The following ANGPTL5 variants were observed in gnomAD, a reference collection of about 807,000 sequenced individuals.
The protein encoded by ANGPTL5 is angiopoietin like 5.
ANGPTL5 carries 34 observed loss-of-function variants against 39.4 expected under a neutral mutation model. That is an observed-to-expected ratio of 0.86 (90% CI 0.66 to 1.15). The LOEUF (loss-of-function observed/expected upper bound fraction) is 1.15, where lower values mean the gene tolerates loss of function less well. Among genes scored for constraint, ANGPTL5 ranks in the 50% most tolerant of loss-of-function variants. The pLI is 0.00. For synonymous variants in ANGPTL5, 146 were observed against 152.1 expected (o/e 0.96, Z 0.29); for missense variants, 467 against 457.5 (o/e 1.02, Z -0.19).
chr11:101,915,864 GC>G (rs373491435), intron 1 of ANGPTL5, among the ~76,000 whole-genome samples, 154 bp downstream of exon 1: 140 of 152,338 alleles, frequency 9.2e-4, no homozygotes, highest in African/African-American at 3.2e-3. Flanking sequence ...TACCAGAGCT[GC>G]TAAAGGCTAC....
At chr11:101,906,239 G>A (rs1384018396) in intron 3 of ANGPTL5, among the ~76,000 whole-genome samples, 2 of 152,064 alleles carry the variant, frequency 1.3e-5, no homozygotes, top group Non-Finnish European at 2.9e-5. Flanking sequence ...TACCAGGCAA[G>A]TTAATTTTAA....
intron 2 of ANGPTL5, 119 bp from the exon 3 acceptor site, chr11:101,907,366 TAGAG>T (rs1174364539): frequency 6.3e-6 from 4 of 631,450 alleles, no homozygotes; most frequent in African/African-American, 5.7e-5. Flanking sequence ...GGCTGATCAT[TAGAG>T]AGAAATATAA....
chr11:101,901,002 C>A (rs1015869842), intron 6 of ANGPTL5, among the ~76,000 whole-genome samples: 2 of 148,856 alleles, frequency 1.3e-5, no homozygotes, highest in African/African-American at 2.5e-5. Context: ...CAGGCGCCCG[C>A]TAGCACCCCC....
intron 3 of ANGPTL5, among the ~76,000 whole-genome samples, chr11:101,906,435 C>T (rs997404025): frequency 6.6e-6 from 1 of 152,058 alleles, no homozygotes; most frequent in Non-Finnish European, 1.5e-5. Flanking sequence ...TTTCTTATAG[C>T]GAAGTTGCGA....
At chr11:101,894,801 C>A in intron 8 of ANGPTL5, 78 bp downstream of exon 8, 1 of 1,308,780 alleles carries the variant, frequency 7.6e-7, no homozygotes, top group Non-Finnish European at 1.1e-6. Context: ...AAGACAAATG[C>A]ATTATTTTTA....
intron 3 of ANGPTL5, among the ~76,000 whole-genome samples, chr11:101,906,477 T>C (rs554810730): frequency 6.6e-6 from 1 of 152,240 alleles, no homozygotes; most frequent in Admixed American, 6.5e-5. Context: ...CCTAATGCCT[T>C]TGAGACCATG....
At position 101,911,961 on chromosome 11, in the gene ANGPTL5, C is replaced by T. The variant is rs1591261000; in HGVS notation, c.-92-3960G>A. 2.0e-5 allele frequency among the ~76,000 whole-genome samples: 3 copies of T among 152,314 alleles called. No homozygotes were observed. The South Asian group carries it at 6.2e-4, about 32-fold the overall frequency. ...CTCTTTCCTTCATTCAGACCTCTGT[C>T]CTAATTTCCCTTCCTTTGGGGCCTT... On this transcript the variant is annotated intron_variant, in intron 1 of 8. Transcript: ENST00000334289.
rs115960350 is a variant in ANGPTL5, at chr11:101,894,774, G to A, written c.847+105C>T. ...TTATTCCTAATCTATCCTGTTATCA[G>A]TTATGTGTTATATACAAAGACAAAT... On this transcript the variant is annotated intron_variant, in intron 8 of 8. Transcript: ENST00000334289. 2.9e-3 allele frequency: 3,204 copies of A among 1,095,286 alleles called. 74 individuals are homozygous for A. The African/African-American group carries it at 0.044, about 15-fold the overall frequency. 67.8% of individuals were successfully genotyped at this position (1,095,286 alleles called of 1,614,324 possible).
At position 101,896,484 on chromosome 11, in the gene ANGPTL5, T is replaced by C. The variant is rs566267807; in HGVS notation, c.662-1420A>G. Among the ~76,000 whole-genome samples the C allele has an allele frequency of 7.5e-4, 114 of 152,270 alleles. 1 individual carries two copies. The highest frequency in any genetic ancestry group is 2.7e-3 in the Admixed American group (41 of 15,300). ...GAACTCGTTATCTACATTAGGTATTTCTTCTAATGCTATCCCTCCTCTAGC... is the reference window on the plus strand; with the variant it reads ...GAACTCGTTATCTACATTAGGTATTCCTTCTAATGCTATCCCTCCTCTAGC... On this transcript the variant is annotated intron_variant, in intron 7 of 8. Transcript: ENST00000334289.
At chr11:101,905,688 C>T in intron 4 of ANGPTL5, 56 bp downstream of exon 4, 1 of 1,214,878 alleles carries the variant, frequency 8.2e-7, no homozygotes, top group Non-Finnish European at 1.2e-6. Flanking sequence ...ATACCTCCAG[C>T]TAACTATACA....
Position 101,891,177 on chromosome 11 carries a change from A to T in ANGPTL5, c.*102T>A. ...TAACATCTAAATGCCATCTACAGTT[A>T]AATTTTGCCTAATATGTTTGAAACA... On this transcript the variant is annotated 3_prime_UTR_variant, in exon 9 of 9. Coordinates refer to ENST00000334289, the MANE Select transcript of ANGPTL5 (RefSeq NM_178127.5). 9.1e-7 allele frequency: 1 copy of T among 1,098,514 alleles called. No homozygotes were observed. The highest frequency in any genetic ancestry group is 1.3e-6 in the Non-Finnish European group (1 of 782,472). 68.0% of individuals were successfully genotyped at this position (1,098,514 alleles called of 1,614,324 possible).
At chr11:101,908,827 T>C (rs1051159731) in intron 1 of ANGPTL5, among the ~76,000 whole-genome samples, 1 of 151,232 alleles carries the variant, frequency 6.6e-6, no homozygotes, top group African/African-American at 2.4e-5. Context: ...CTGTAATTAA[T>C]CTGTAATTAG....
chr11:101,907,858 TA>T lies in ANGPTL5; in HGVS notation c.51del (p.Phe17LeufsTer20). On this transcript the variant is annotated frameshift_variant, in exon 2 of 9. Transcript: ENST00000334289. LOFTEE classifies it high-confidence loss of function. ...TTACCTTGTACAGCTTCTCCACAAA[TA>T]AAAATACATACATTTAAGAATAAGA... ...ASLLFLNVCI[F>X]ICGEAVQGNC... 7 of 1,611,098 alleles carry T rather than the reference TA, an allele frequency of 4.3e-6. No homozygotes were observed. Among genetic ancestry groups the T allele is most frequent in the Non-Finnish European group, 5.1e-6 (6 of 1,177,526 alleles).
At position 101,895,116 on chromosome 11, in the gene ANGPTL5, G is replaced by A. The variant is rs780452222; in HGVS notation, c.662-52C>T. On this transcript the variant is annotated intron_variant, in intron 7 of 8. Coordinates refer to ENST00000334289, the MANE Select transcript of ANGPTL5 (RefSeq NM_178127.5). ...ATATTTTAATACAAATTAGAATAAT[G>A]GTTTATTATTGAATGTTTGGTCTTG... 2.9e-5 allele frequency: 38 copies of A among 1,325,274 alleles called. 1 individual carries two copies. In the Admixed American group the frequency reaches 3.5e-4, roughly 12 times the overall value. The allele number at this position is 1,325,274 out of a possible 1,614,324, so 82.1% of individuals were successfully genotyped here.
At chr11:101,905,892 G>T in intron 3 of ANGPTL5, 45 bp from the exon 4 acceptor site, 1 of 1,112,732 alleles carries the variant, frequency 9.0e-7, no homozygotes. Context: ...TATTGTTACA[G>T]AAAACAATTA....
At chr11:101,912,973 G>C (rs1393047060) in intron 1 of ANGPTL5, among the ~76,000 whole-genome samples, 10 of 152,330 alleles carry the variant, frequency 6.6e-5, no homozygotes, top group Admixed American at 5.9e-4. Flanking sequence ...TACACTTAAA[G>C]AATAAACTAT....
At chr11:101,915,275 G>A in intron 1 of ANGPTL5, 1 of 1,613,420 alleles carries the variant, frequency 6.2e-7, no homozygotes, top group South Asian at 1.1e-5. Flanking sequence ...AGGCGGCGCT[G>A]AAGTGAAGGA....
Position 101,907,159 on chromosome 11 carries a change from TCA to T in ANGPTL5, c.183_184del (p.Cys61Ter), listed in dbSNP as rs763143984. On this transcript the variant is annotated stop_gained and frameshift_variant, in exon 3 of 9. Coordinates refer to ENST00000334289, the MANE Select transcript of ANGPTL5 (RefSeq NM_178127.5). LOFTEE classifies it high-confidence loss of function. ...TTTAGTTTTAACATCACATGATTCC[TCA>T]CAGTCTTCCTTACAAACAGTATCAT... The T allele has an allele frequency of 8.8e-5, 141 of 1,593,794 alleles. No homozygotes were observed. Among genetic ancestry groups the T allele is most frequent in the Non-Finnish European group, 1.1e-4 (129 of 1,164,222 alleles).
In ANGPTL5 at chr11:101,900,425, T is replaced by A. The variant is rs767415113; in HGVS notation, c.661+5A>T. 4.3e-5 allele frequency: 69 copies of A among 1,610,000 alleles called. No homozygotes were observed. Among genetic ancestry groups the A allele is most frequent in the East Asian group, 2.2e-5 (1 of 44,616 alleles). ...AATGTAGAGTAGAAATACAAAAAAATTAACCTAGAAGATCTCCAAATCCAT... is the reference window on the plus strand; with the variant it reads ...AATGTAGAGTAGAAATACAAAAAAAATAACCTAGAAGATCTCCAAATCCAT... On this transcript the variant is annotated splice_donor_5th_base_variant and intron_variant, in intron 7 of 8. Coordinates refer to ENST00000334289, the MANE Select transcript of ANGPTL5 (RefSeq NM_178127.5).
Sources: gnomAD v4.1 joint callset for allele counts (sites outside exome capture counted in the v4.1 genomes callset) on GRCh38, gnomAD v4.1.1 for gene constraint, MANE v1.5 for transcripts, NCBI Gene and HGNC (gene_info 2026-07-23, HGNC 2026-07-21) for gene names.